The following EYS variants were observed in gnomAD, a reference collection of about 807,000 sequenced individuals.
EYS encodes the protein protein eyes shut homolog.
Under a neutral mutation model 282.1 loss-of-function variants are expected in EYS, and 250 were observed. That is an observed-to-expected ratio of 0.89 (90% CI 0.80 to 0.98). The LOEUF is 0.98. EYS is among the 50% of genes least tolerant of loss of function. EYS has a pLI of 0.00. For synonymous variants in EYS, 1,355 were observed against 1,282.9 expected, an observed-to-expected ratio of 1.06 and a Z score of -1.20; for missense variants, 4,016 against 3,709.0, an observed-to-expected ratio of 1.08 and a Z score of -2.15.
At chr6:64,015,197 T>C (rs1768835915) in intron 33 of EYS, among the ~76,000 whole-genome samples, 1 of 152,184 alleles carries the variant, frequency 6.6e-6, no homozygotes, top group African/African-American at 2.4e-5. Context: ...CTGGAGTTGT[T>C]TCTGATAAAA....
intron 18 of EYS, among the ~76,000 whole-genome samples, chr6:64,899,309 G>A (rs533984576): frequency 6.6e-5 from 10 of 152,030 alleles, no homozygotes; most frequent in African/African-American, 1.9e-4. Flanking sequence ...CACTCAAAAC[G>A]ACACAACTAC....
intron 26 of EYS, among the ~76,000 whole-genome samples, chr6:64,556,611 T>C (rs998114544): frequency 2.6e-4 from 40 of 152,128 alleles, no homozygotes; most frequent in African/African-American, 9.6e-4. Flanking sequence ...GGTTGAATTA[T>C]ACTGTATAAA....
chr6:64,921,874 G>T (rs1374379026), intron 15 of EYS, among the ~76,000 whole-genome samples: 1 of 152,100 alleles, frequency 6.6e-6, no homozygotes, highest in Non-Finnish European at 1.5e-5. Context: ...TGAAGAGCAG[G>T]TAGGTGCCTG....
chr6:65,540,383 T>C (rs1768118072), intron 2 of EYS, among the ~76,000 whole-genome samples: 1 of 152,186 alleles, frequency 6.6e-6, no homozygotes, highest in Non-Finnish European at 1.5e-5. Context: ...TCTTCAGCAA[T>C]GCCATATTTG....
At chr6:65,129,515 C>A (rs1490346313) in intron 12 of EYS, among the ~76,000 whole-genome samples, 1 of 151,944 alleles carries the variant, frequency 6.6e-6, no homozygotes, top group East Asian at 1.9e-4. Context: ...CATGAACAGA[C>A]ACTTCTCAAA....
In EYS at chr6:64,591,079, C is replaced by A. The variant is rs764672699; in HGVS notation, c.4788G>T (p.Trp1596Cys). ...FWMNSAILAS[W>C]YALMGAQTIT... ...TAGTTTGAGCTCCCATTAGTGCATA[C>A]CAGCTGGCTAATATCGCTGAGTTCA... is the stretch of plus-strand genomic sequence containing the variant. Residue 1596 changes from tryptophan to cysteine, a missense_variant, in exon 26 of 43, where the codon TGG (tryptophan) becomes TGT (cysteine). By Grantham distance (215) the Trp-to-Cys change is radical. Coordinates refer to ENST00000503581, the MANE Select transcript of EYS (RefSeq NM_001142800.2). The A allele has an allele frequency of 5.2e-6, 8 of 1,551,272 alleles. No individual in the cohort carries two copies. In the South Asian group the frequency reaches 9.5e-5, roughly 18 times the overall value.
intron 29 of EYS, among the ~76,000 whole-genome samples, chr6:64,310,751 A>G (rs1769661152): frequency 7.2e-6 from 1 of 139,142 alleles, no homozygotes; most frequent in South Asian, 2.5e-4. Flanking sequence ...AAAAGAAAAA[A>G]CATATTTTAA....
intron 26 of EYS, among the ~76,000 whole-genome samples, chr6:64,502,631 T>C (rs1008950089): frequency 4.6e-5 from 7 of 152,148 alleles, no homozygotes; most frequent in Non-Finnish European, 7.4e-5. Context: ...TTTTAAACAG[T>C]ACACATTTAA....
intron 29 of EYS, among the ~76,000 whole-genome samples, chr6:64,355,360 C>T (rs1424196133): frequency 1.3e-5 from 2 of 151,522 alleles, no homozygotes; most frequent in Non-Finnish European, 3.0e-5. Flanking sequence ...AATAATAAAT[C>T]ATCTACCTCA....
intron 13 of EYS, among the ~76,000 whole-genome samples, chr6:65,056,633 A>G (rs1773424412): frequency 1.3e-5 from 2 of 152,070 alleles, no homozygotes; most frequent in Non-Finnish European, 2.9e-5. Flanking sequence ...GAGATTACTT[A>G]GGCCATTCCC....
chr6:64,129,577 G>A (rs2150280430), intron 31 of EYS, among the ~76,000 whole-genome samples: 1 of 152,190 alleles, frequency 6.6e-6, no homozygotes, highest in South Asian at 2.1e-4. Context: ...CCATTCTGTA[G>A]GTTGCCTGTT....
intron 2 of EYS, among the ~76,000 whole-genome samples, chr6:65,537,383 C>T (rs529098578): frequency 1.3e-5 from 2 of 152,190 alleles, no homozygotes; most frequent in African/African-American, 2.4e-5. Flanking sequence ...TCATACCCTT[C>T]AAGTATGTGT....
At chr6:64,177,710 T>A (rs758041300) in intron 31 of EYS, among the ~76,000 whole-genome samples, 2 of 152,162 alleles carry the variant, frequency 1.3e-5, no homozygotes, top group Non-Finnish European at 2.9e-5. Flanking sequence ...TTCACACTTG[T>A]TATGTCTATT....
chr6:63,827,637 G>C (rs1771506872), intron 36 of EYS, among the ~76,000 whole-genome samples: 1 of 152,054 alleles, frequency 6.6e-6, no homozygotes, highest in Non-Finnish European at 1.5e-5. Context: ...GAGGTCAGGA[G>C]ATCTAGACCA....
intron 33 of EYS, among the ~76,000 whole-genome samples, chr6:64,022,572 T>C (rs182305047): frequency 2.0e-5 from 3 of 148,350 alleles, no homozygotes; most frequent in Admixed American, 2.0e-4. Context: ...ATTCTTGTCA[T>C]ACCCAGCTAA....
chr6:65,405,483 T>G, intron 5 of EYS, 116 bp from the exon 6 acceptor site: 1 of 837,178 alleles, frequency 1.2e-6, no homozygotes, highest in Admixed American at 2.5e-5. Context: ...GAAATATTTT[T>G]ATTTAACAAA....
At chr6:64,517,533 TA>T (rs1777598223) in intron 26 of EYS, among the ~76,000 whole-genome samples, 1 of 151,730 alleles carries the variant, frequency 6.6e-6, no homozygotes, top group African/African-American at 2.4e-5. Flanking sequence ...TAAAAAAGAT[TA>T]AAAACATCAA....
intron 31 of EYS, among the ~76,000 whole-genome samples, chr6:64,154,350 G>T (rs1440144397): frequency 6.8e-6 from 1 of 146,994 alleles, no homozygotes; most frequent in African/African-American, 2.5e-5. Context: ...TGAGCCAGGA[G>T]AATTGCCTGA....
intron 2 of EYS, among the ~76,000 whole-genome samples, chr6:65,599,672 T>C (rs1290491171): frequency 2.0e-5 from 3 of 152,134 alleles, no homozygotes; most frequent in Admixed American, 2.0e-4. Flanking sequence ...GAAATGTTTA[T>C]TCAGATAAAA....
Sources: allele counts gnomAD v4.1 joint callset (sites outside exome capture counted in the v4.1 genomes callset), GRCh38; gene constraint gnomAD v4.1.1; transcripts MANE v1.5; gene names NCBI Gene and HGNC (gene_info 2026-07-23, HGNC 2026-07-21).